The following MATN2 variants were observed in gnomAD, a reference collection of about 807,000 sequenced individuals.
MATN2 encodes matrilin-2.
A neutral mutation model predicts 103.2 loss-of-function variants in MATN2; 69 were observed. The observed-to-expected ratio is 0.67, with a 90% CI of 0.55 to 0.82. The LOEUF (loss-of-function observed/expected upper bound fraction) is 0.82, where lower values mean the gene tolerates loss of function less well. MATN2 is among the 40% of genes least tolerant of loss of function. The pLI is 0.00. For synonymous variants in MATN2, 429 were observed against 450.2 expected (o/e 0.95, Z 0.60); for missense variants, 1,023 against 1,211.5 (o/e 0.84, Z 2.31).
chr8:97,903,948 A>G (rs1036118362), intron 2 of MATN2, among the ~76,000 whole-genome samples: 1 of 152,238 alleles, frequency 6.6e-6, no homozygotes, highest in Non-Finnish European at 1.5e-5. Flanking sequence ...TTATATGGAT[A>G]GATTTTCTAG....
intron 4 of MATN2, chr8:97,952,364 G>A (rs1299949451): frequency 1.3e-5 from 2 of 152,238 alleles, no homozygotes; most frequent in Non-Finnish European, 2.9e-5. Flanking sequence ...AACTGTCATT[G>A]GTGTCAACAG....
chr8:97,881,044 G>T (rs972847166), intron 1 of MATN2, among the ~76,000 whole-genome samples: 2 of 152,210 alleles, frequency 1.3e-5, no homozygotes, highest in Non-Finnish European at 2.9e-5. Context: ...CTCACAGAAT[G>T]ATTGTGGGGA....
At position 97,994,521 on chromosome 8, in the gene MATN2, G is replaced by C. The variant is rs752673896; in HGVS notation, c.1123G>C (p.Glu375Gln). Residue 375 changes from glutamate to glutamine, a missense_variant, in exon 7 of 19, where the codon GAG (glutamate) becomes CAG (glutamine). By Grantham distance (29) the Glu-to-Gln change is conservative. Transcript: ENST00000254898. ...CTCATCTAATCACGGATGTCAGCAC[G>C]AGTGTGTTAACACAGATGATTCCTA... Reference protein sequence around the residue: ...CASSNHGCQHECVNTDDSYSC... With the variant: ...CASSNHGCQHQCVNTDDSYSC... 1.9e-6 allele frequency: 3 copies of C among 1,613,218 alleles called. No homozygotes were observed. Among genetic ancestry groups the C allele is most frequent in the Non-Finnish European group, 2.5e-6 (3 of 1,179,586 alleles).
At chr8:98,020,291 G>A (rs964171425) in intron 12 of MATN2, among the ~76,000 whole-genome samples, 3 of 152,044 alleles carry the variant, frequency 2.0e-5, no homozygotes, top group Non-Finnish European at 2.9e-5. Flanking sequence ...GACTACAAGC[G>A]TGCACCACCA....
In MATN2 at chr8:98,035,815, G is replaced by T. The variant is rs944015169; in HGVS notation, c.*103G>T. The T allele has an allele frequency of 4.1e-5, 27 of 663,324 alleles. No homozygotes were observed. The South Asian group carries it at 6.4e-4, about 16-fold the overall frequency. 41.1% of individuals were successfully genotyped at this position (663,324 alleles called of 1,614,324 possible). ...GCTATTGTTAAATCAATAATGTTGT[G>T]AAGTAAAACAATCAGTACTGAGAAA... On this transcript the variant is annotated 3_prime_UTR_variant, in exon 19 of 19. Coordinates refer to ENST00000254898, the MANE Select transcript of MATN2 (RefSeq NM_002380.5).
intron 11 of MATN2, among the ~76,000 whole-genome samples, chr8:98,017,615 A>T (rs1208199263): frequency 6.6e-6 from 1 of 152,226 alleles, no homozygotes; most frequent in Non-Finnish European, 1.5e-5. Context: ...TAAGTCATAC[A>T]CTATGTTAGG....
chr8:97,870,739 C>T (rs1817865652), intron 1 of MATN2, among the ~76,000 whole-genome samples: 1 of 152,134 alleles, frequency 6.6e-6, no homozygotes, highest in African/African-American at 2.4e-5. Context: ...ATGCAGGAGT[C>T]CACACGGGCG....
rs772797809 is a variant in MATN2 at position 98,018,022 on chromosome 8, T to C, written c.1725T>C (p.His575=). 4.3e-5 allele frequency: 69 copies of C among 1,613,686 alleles called. No individual in the cohort carries two copies. Among genetic ancestry groups the C allele is most frequent in the Non-Finnish European group, 5.7e-5 (67 of 1,179,740 alleles). ...RRKDVCQAID[H]GCEHICVNSD... ...AAGATGTCTGCCAAGCTATAGACCA[T>C]GGCTGTGAACACATTTGTGTGAACA... Residue 575 remains histidine, a synonymous_variant, in exon 12 of 19, where the codon CAT becomes CAC. Transcript: ENST00000254898.
At chr8:98,028,838 C>T (rs1813908058) in intron 14 of MATN2, among the ~76,000 whole-genome samples, 1 of 152,204 alleles carries the variant, frequency 6.6e-6, no homozygotes, top group African/African-American at 2.4e-5. Flanking sequence ...CCACCCACCT[C>T]AGCCTCCCAA....
chr8:98,027,751 C>T lies in MATN2; in HGVS notation c.2278C>T (p.Pro760Ser), dbSNP rs1271193632. Reference sequence around the variant, plus strand: ...GGCCAGGCCCCTTTCCACAAGGGTGCCCAGAGCAGCCATTGTGTTCACCGA... The same window carrying T: ...GGCCAGGCCCCTTTCCACAAGGGTGTCCAGAGCAGCCATTGTGTTCACCGA... Reference protein sequence around the residue: ...EGARPLSTRVPRAAIVFTDGR... With the variant: ...EGARPLSTRVSRAAIVFTDGR... The change falls in exon 14 of 19, where the codon CCC becomes TCC. Residue 760 changes from proline to serine, a missense_variant. Coordinates refer to ENST00000254898, the MANE Select transcript of MATN2 (RefSeq NM_002380.5). 3.7e-6 allele frequency: 6 copies of T among 1,611,450 alleles called. No individual in the cohort carries two copies. The highest frequency in any genetic ancestry group is 5.1e-6 in the Non-Finnish European group (6 of 1,179,226).
In MATN2 at chr8:98,024,097, C is replaced by T. The variant is rs550242051; in HGVS notation, c.1942+2770C>T. 3.3e-5 allele frequency among the ~76,000 whole-genome samples: 5 copies of T among 152,260 alleles called. No individual in the cohort carries two copies. In the East Asian group the frequency reaches 9.6e-4, roughly 29 times the overall value. On this transcript the variant is annotated intron_variant, in intron 13 of 18. Transcript: ENST00000254898. ...AAGCTAATGCATGTGGGGCTTAATA[C>T]CTAAGTGATGGGCTGATAGGTGCGG...
At chr8:97,969,850 G>A (rs753564140) in intron 5 of MATN2, among the ~76,000 whole-genome samples, 1 of 152,216 alleles carries the variant, frequency 6.6e-6, no homozygotes, top group Non-Finnish European at 1.5e-5. Flanking sequence ...CATGGGTAAA[G>A]GGCAGATTTC....
chr8:98,031,951 C>G (rs566468879), intron 15 of MATN2: 16 of 217,476 alleles, frequency 7.4e-5, no homozygotes, highest in Non-Finnish European at 1.4e-4. Flanking sequence ...ACTAAAATCC[C>G]TCAACAACTT....
chr8:97,885,409 G>T (rs137964501), intron 1 of MATN2, among the ~76,000 whole-genome samples: 8 of 152,184 alleles, frequency 5.3e-5, no homozygotes, highest in Admixed American at 2.0e-4. Flanking sequence ...GAGTTCAGGA[G>T]TTCAAAGAGC....
Position 98,033,185 on chromosome 8 carries a change from A to G in MATN2, c.2716+9A>G, listed in dbSNP as rs776591038. 3.1e-6 allele frequency: 5 copies of G among 1,592,390 alleles called. No individual in the cohort carries two copies. In the East Asian group the frequency reaches 9.0e-5, roughly 29 times the overall value. On this transcript the variant is annotated intron_variant, in intron 17 of 18. Transcript: ENST00000254898. ...TTCAACAAAACCTTCAGGTAATTCC[A>G]AGTAAAATATTACTATAAGATAACT...
intron 5 of MATN2, among the ~76,000 whole-genome samples, chr8:97,970,786 A>G (rs1484710676): frequency 1.3e-5 from 2 of 151,850 alleles, no homozygotes; most frequent in East Asian, 3.9e-4. Flanking sequence ...CTGTCTCTAC[A>G]AAGAATAAAA....
chr8:98,024,505 AAAC>A (rs35489233), intron 13 of MATN2, among the ~76,000 whole-genome samples: 125 of 151,770 alleles, frequency 8.2e-4, no homozygotes, highest in African/African-American at 2.6e-3. Flanking sequence ...ATGCCATCTC[AAAC>A]AACAACAACA....
chr8:97,878,388 C>A (rs1035968798), intron 1 of MATN2, among the ~76,000 whole-genome samples: 6 of 151,860 alleles, frequency 4.0e-5, no homozygotes, highest in African/African-American at 1.5e-4. Flanking sequence ...ATGGCAAAAC[C>A]CCATCTCTAC....
chr8:97,870,831 T>C (rs1251341697), intron 1 of MATN2, among the ~76,000 whole-genome samples: 1 of 152,230 alleles, frequency 6.6e-6, no homozygotes. Context: ...CCTGGAATGT[T>C]TCCTCTCAGT....
Sources: gnomAD v4.1 joint callset for allele counts (sites outside exome capture counted in the v4.1 genomes callset) on GRCh38, gnomAD v4.1.1 for gene constraint, MANE v1.5 for transcripts, NCBI Gene and HGNC (gene_info 2026-07-23, HGNC 2026-07-21) for gene names.